The following GTPBP6 variants were observed in gnomAD, a reference collection of about 807,000 sequenced individuals.
GTPBP6 encodes GTP binding protein 6, also known as putative GTP-binding protein 6.
A neutral mutation model predicts 28.9 loss-of-function variants in GTPBP6; 33 were observed. That is an observed-to-expected ratio of 1.14 (90% CI 0.87 to 1.53). The LOEUF is 1.53. Among genes scored for constraint, GTPBP6 ranks in the 40% most tolerant of loss-of-function variants. The probability of loss-of-function intolerance (pLI) is 0.00; values close to 1 mark genes in which losing one functional copy is unlikely to be tolerated. For missense variants in GTPBP6, 507 were observed against 408.3 expected, an observed-to-expected ratio of 1.24 and a Z score of -2.08; for synonymous variants, 231 against 192.7, an observed-to-expected ratio of 1.20 and a Z score of -1.65.
chrX:316,530 G>A (rs2070443818), intron 2 of GTPBP6, among the ~76,000 whole-genome samples: 1 of 152,176 alleles, frequency 6.6e-6, no homozygotes, highest in Non-Finnish European at 1.5e-5. Context: ...GAAGCGCAAG[G>A]ATCGCATGCT....
chrX:318,320 A>C, intron 1 of GTPBP6, 119 bp downstream of exon 1: 2 of 369,934 alleles, frequency 5.4e-6, no homozygotes, highest in Non-Finnish European at 9.3e-6. Flanking sequence ...ATCTCCACCT[A>C]TGAGATCGTC....
intron 5 of GTPBP6, among the ~76,000 whole-genome samples, chrX:313,205 C>T (rs2070351324): frequency 6.6e-6 from 1 of 152,226 alleles, no homozygotes; most frequent in Non-Finnish European, 1.5e-5. Flanking sequence ...CGGAGGCCTC[C>T]GAGCGGGACA....
chrX:317,925 ATG>A (rs1363723088), intron 1 of GTPBP6, among the ~76,000 whole-genome samples: 1 of 112,908 alleles, frequency 8.9e-6, no homozygotes, highest in Middle Eastern at 5.2e-3. Flanking sequence ...ACCTCCACCT[ATG>A]AGATCCTCCC....
chrX:314,391 C>A (rs1013772743), intron 4 of GTPBP6, among the ~76,000 whole-genome samples, 174 bp from the exon 5 acceptor site: 2 of 152,100 alleles, frequency 1.3e-5, no homozygotes, highest in African/African-American at 4.8e-5. Context: ...GTGTCCCGGG[C>A]CGAGGGGACC....
intron 7 of GTPBP6, 117 bp from the exon 8 acceptor site, chrX:307,997 G>A: frequency 2.1e-6 from 2 of 935,268 alleles, no homozygotes; most frequent in Non-Finnish European, 3.0e-6. Context: ...GGGCATGGGA[G>A]GTACGCCTGT....
rs764225435 is a variant in GTPBP6 at position 312,747 on chromosome X, C to A, written c.916+19G>T. Reference sequence around the variant, plus strand: ...GACACGGAGACCGCGGAAGGCCCCTCCCCTGGGCGCGTGCTCACCGCAGTT... The same window carrying A: ...GACACGGAGACCGCGGAAGGCCCCTACCCTGGGCGCGTGCTCACCGCAGTT... On this transcript the variant is annotated intron_variant, in intron 6 of 9. Transcript: ENST00000326153. 7 of 1,592,254 alleles carry A rather than the reference C, an allele frequency of 4.4e-6. No individual in the cohort carries two copies. Among genetic ancestry groups the A allele is most frequent in the Non-Finnish European group, 6.0e-6 (7 of 1,171,002 alleles).
At chrX:308,060 G>C (rs374547098) in intron 7 of GTPBP6, among the ~76,000 whole-genome samples, 180 bp from the exon 8 acceptor site, 3 of 151,764 alleles carry the variant, frequency 2.0e-5, no homozygotes, top group African/African-American at 7.3e-5. Context: ...AACAGTGGAC[G>C]CGAGCCCACC....
In GTPBP6 at chrX:314,294, G is replaced by A. The variant is rs1432725479; in HGVS notation, c.690-77C>T. 2.3e-5 allele frequency: 28 copies of A among 1,220,780 alleles called. No homozygotes were observed. The South Asian group carries it at 2.8e-4, about 12-fold the overall frequency. The allele number at this position is 1,220,780 out of a possible 1,614,324, so 75.6% of individuals were successfully genotyped here. A position where few individuals can be genotyped will look rare whatever the true frequency, so the allele number is the denominator to read the frequency against. On this transcript the variant is annotated intron_variant, in intron 4 of 9. Coordinates refer to ENST00000326153, the Ensembl canonical transcript of GTPBP6. The stretch of plus-strand genomic sequence containing the variant: ...GGCAGAGGTCGAGGTGAAGGTGAAG[G>A]GGGCACTGAGCTGGGCCTCTGGGCC...
chrX:313,975 C>T (rs1406939912), intron 5 of GTPBP6, among the ~76,000 whole-genome samples, 175 bp downstream of exon 5: 3 of 152,084 alleles, frequency 2.0e-5, no homozygotes, highest in African/African-American at 7.3e-5. Context: ...AGCCAGCCCC[C>T]ACCCTGTTGG....
rs376380723 is a variant in GTPBP6 at position 314,137 on chromosome X, C to T, written c.757+13G>A. On this transcript the variant is annotated intron_variant, in intron 5 of 9. Transcript: ENST00000326153. Reference sequence around the variant, plus strand: ...CGAGGACCCTCTGGGACGCCGCGCCCGGCCCGAGTTACCTGACCCCATGAT... The same window carrying T: ...CGAGGACCCTCTGGGACGCCGCGCCTGGCCCGAGTTACCTGACCCCATGAT... 78 of 1,608,812 alleles carry T rather than the reference C, an allele frequency of 4.8e-5. No homozygotes were observed. The East Asian group carries it at 8.7e-4, about 18-fold the overall frequency.
chrX:312,749 C>T lies in GTPBP6; in HGVS notation c.916+17G>A. On this transcript the variant is annotated intron_variant, in intron 6 of 9. Coordinates refer to ENST00000326153, the Ensembl canonical transcript of GTPBP6. ...CACGGAGACCGCGGAAGGCCCCTCC[C>T]CTGGGCGCGTGCTCACCGCAGTTGG... 6.3e-7 allele frequency: 1 copy of T among 1,595,876 alleles called. No individual in the cohort carries two copies. Among genetic ancestry groups the T allele is most frequent in the Non-Finnish European group, 8.5e-7 (1 of 1,172,566 alleles).
chrX:318,735 C>G, exon 1 of GTPBP6: 1 of 339,632 alleles, frequency 2.9e-6, no homozygotes, highest in South Asian at 1.4e-4. Flanking sequence ...GCGGCCGCGG[C>G]CCACGCGGGA....
rs773359841 is a variant in GTPBP6 at position 306,169 on chromosome X, C to G, written c.1428-972G>C. Among the ~76,000 whole-genome samples the G allele has an allele frequency of 2.6e-5, 4 of 152,202 alleles. No homozygotes were observed. The South Asian group carries it at 6.2e-4, about 24-fold the overall frequency. On this transcript the variant is annotated intron_variant, in intron 9 of 9. Transcript: ENST00000326153. ...AGAAATGTATTTTGACTGTCAAGTG[C>G]AGATTAGGCACCTGTTGTATGCAGT...
rs1186607483 is a variant in GTPBP6 at position 317,122 on chromosome X, GCCT to G, written c.350-74_350-72del. 6.8e-5 allele frequency: 27 copies of G among 397,708 alleles called. No homozygotes were observed. In the East Asian group the frequency reaches 9.3e-4, roughly 14 times the overall value. 24.6% of individuals were successfully genotyped at this position (397,708 alleles called of 1,614,324 possible). Reference sequence around the variant, plus strand: ...CCCCCGTCCACACCTGCCCGGGGAGGCCTCCTCCTGCCCTTGAGACAATCTCCC... The same window carrying G: ...CCCCCGTCCACACCTGCCCGGGGAGGCCTCCTGCCCTTGAGACAATCTCCC... On this transcript the variant is annotated intron_variant, in intron 1 of 9. Transcript: ENST00000326153.
chrX:311,483 A>T, exon 7 of GTPBP6: 1 of 1,604,366 alleles, frequency 6.2e-7, no homozygotes, highest in Non-Finnish European at 8.5e-7. Context: ...CAGCTGGGAG[A>T]GGAAGCCGAT....
exon 10 of GTPBP6, chrX:305,081 G>C (rs1475911812): frequency 6.2e-7 from 1 of 1,612,862 alleles, no homozygotes; most frequent in African/African-American, 1.3e-5. Context: ...CGTTCATCCT[G>C]GAAAGAGCTT....
intron 5 of GTPBP6, 97 bp from the exon 6 acceptor site, chrX:313,021 TC>T: frequency 9.3e-7 from 1 of 1,071,792 alleles, no homozygotes; most frequent in Non-Finnish European, 1.3e-6. Flanking sequence ...CGGGGCCTGC[TC>T]CCGCTCCAGC....
intron 5 of GTPBP6, among the ~76,000 whole-genome samples, chrX:313,354 A>T (rs2070354337): frequency 6.6e-6 from 1 of 152,142 alleles, no homozygotes; most frequent in Admixed American, 6.5e-5. Context: ...GGTGGGCCCT[A>T]AGGCAACGAC....
At position 307,867 on chromosome X, in the gene GTPBP6, TG is replaced by T; in HGVS notation, c.1138del (p.His380ThrfsTer2). 6.5e-7 allele frequency: 1 copy of T among 1,532,080 alleles called. No homozygotes were observed. The highest frequency in any genetic ancestry group is 8.8e-7 in the Non-Finnish European group (1 of 1,141,844). 94.9% of individuals were successfully genotyped at this position (1,532,080 alleles called of 1,614,324 possible). A position where few individuals can be genotyped will look rare whatever the true frequency, so the allele number is the denominator to read the frequency against. ...CTCGGGGTGGCTGACGTCCCTCACGTGCAAGATGAGATCCTGTGGGCCGGGC... is the reference window on the plus strand; with the variant it reads ...CTCGGGGTGGCTGACGTCCCTCACGTCAAGATGAGATCCTGTGGGCCGGGC... On this transcript the variant is annotated frameshift_variant, in exon 8 of 10. Transcript: ENST00000326153. LOFTEE classifies it high-confidence loss of function.
Sources: gnomAD v4.1 joint callset for allele counts (sites outside exome capture counted in the v4.1 genomes callset) on GRCh38, gnomAD v4.1.1 for gene constraint, MANE v1.5 for transcripts, NCBI Gene and HGNC (gene_info 2026-07-23, HGNC 2026-07-21) for gene names.